TLL2: variants seen among roughly 807,000 people sequenced by gnomAD.
TLL2 encodes tolloid-like protein 2.
TLL2 carries 106 observed loss-of-function variants against 123.0 expected under a neutral mutation model. The observed-to-expected ratio is 0.86, with a 90% CI of 0.74 to 1.01. TLL2 has a LOEUF of 1.01. Ranked by LOEUF, TLL2 falls within the 50% of genes least tolerant of loss-of-function variation. The probability of loss-of-function intolerance (pLI) is 0.00; values close to 1 mark genes in which losing one functional copy is unlikely to be tolerated. For synonymous variants in TLL2, 494 were observed against 516.8 expected (o/e 0.96, Z 0.60); for missense variants, 1,332 against 1,336.7 (o/e 1.00, Z 0.06).
chr10:96,499,890 T>C (rs1367336325), intron 1 of TLL2, among the ~76,000 whole-genome samples: 1 of 152,018 alleles, frequency 6.6e-6, no homozygotes, highest in Non-Finnish European at 1.5e-5. Context: ...ACAATACAAG[T>C]GCAAGTTGAA....
intron 7 of TLL2, 134 bp from the exon 8 acceptor site, chr10:96,413,450 G>T: frequency 8.7e-7 from 1 of 1,145,310 alleles, no homozygotes; most frequent in Non-Finnish European, 1.2e-6. Flanking sequence ...TCCCAGGCTG[G>T]CATGACTGAA....
In TLL2 at chr10:96,405,270, T is replaced by G; in HGVS notation, c.1229A>C (p.Glu410Ala). ...TTTTCTCCAGTAACCATCCCGGACC[T>G]CCACGTAATCATACCAGCACAGTCG... ...KSRLCWYDYV[E>A]VRDGYWRKAP... The change falls in exon 10 of 21, where the codon GAG becomes GCG. Residue 410 changes from glutamate (E) to alanine (A), a missense_variant. Physicochemically the swap from Glu to Ala is moderately radical, Grantham distance 107 (BLOSUM62 -1). Coordinates refer to ENST00000357947, the MANE Select transcript of TLL2 (RefSeq NM_012465.4). 1 of 1,614,124 alleles carries G rather than the reference T, an allele frequency of 6.2e-7. No homozygotes were observed.
intron 1 of TLL2, among the ~76,000 whole-genome samples, chr10:96,482,166 G>C (rs769996175): frequency 2.4e-4 from 37 of 151,918 alleles, no homozygotes; most frequent in Admixed American, 1.4e-3. Context: ...GCTGAGGCAG[G>C]AGAATGGCGT....
At chr10:96,412,480 T>A (rs1366987529) in intron 8 of TLL2, among the ~76,000 whole-genome samples, 1 of 152,184 alleles carries the variant, frequency 6.6e-6, no homozygotes, top group African/African-American at 2.4e-5. Flanking sequence ...GAAAGGGGTC[T>A]AGAAGAGCTC....
chr10:96,364,762 T>C lies in TLL2; in HGVS notation c.*3326A>G, dbSNP rs1456367931. ...GTTTACATATAATACTTTAAACAAT[T>C]TTCCTTTTTAAAAATAAAATTTTAG... On this transcript the variant is annotated 3_prime_UTR_variant, in exon 21 of 21. Coordinates refer to ENST00000357947, the MANE Select transcript of TLL2 (RefSeq NM_012465.4). 6.5e-6 allele frequency: 1 copy of C among 152,674 alleles called. No individual in the cohort carries two copies. The allele number at this position is 152,674 out of a possible 1,614,324, so 9.5% of individuals were successfully genotyped here.
rs182610451 is a variant in TLL2, at chr10:96,449,861, G to T, written c.287-3693C>A. ...TGGCCAAACCCTACTGGTCCTTCAA[G>T]TCTCCATGTAGACACCACTTCCTCT... On this transcript the variant is annotated intron_variant, in intron 2 of 20. Coordinates refer to ENST00000357947, the MANE Select transcript of TLL2 (RefSeq NM_012465.4). Among the ~76,000 whole-genome samples, 4 of 152,096 alleles carry T rather than the reference G, an allele frequency of 2.6e-5. No individual in the cohort carries two copies. The East Asian group carries it at 7.7e-4, about 29-fold the overall frequency.
At chr10:96,508,400 A>G (rs1847596807) in intron 1 of TLL2, among the ~76,000 whole-genome samples, 1 of 152,146 alleles carries the variant, frequency 6.6e-6, no homozygotes, top group Non-Finnish European at 1.5e-5. Context: ...AGTGAGGTGA[A>G]ACACCAAATT....
At chr10:96,447,149 C>T (rs923538421) in intron 2 of TLL2, among the ~76,000 whole-genome samples, 1 of 151,948 alleles carries the variant, frequency 6.6e-6, no homozygotes, top group Non-Finnish European at 1.5e-5. Context: ...GCCAGAGGAT[C>T]CTCCGCAGGG....
At chr10:96,440,392 T>TGTGTTGGAAACCTCTCC (rs1491221392) in intron 3 of TLL2, among the ~76,000 whole-genome samples, 4 of 152,218 alleles carry the variant, frequency 2.6e-5, no homozygotes, top group Non-Finnish European at 5.9e-5. Flanking sequence ...CAAACAACTC[T>TGTGTTGGAAACCTCTCC]GTGTTGGAAA....
At chr10:96,495,131 C>T (rs1847458015) in intron 1 of TLL2, among the ~76,000 whole-genome samples, 2 of 152,106 alleles carry the variant, frequency 1.3e-5, no homozygotes, top group African/African-American at 4.8e-5. Context: ...AGGAAGACTT[C>T]ATAGATGTTC....
Position 96,410,584 on chromosome 10 carries a change from C to T in TLL2, c.1049-110G>A, listed in dbSNP as rs371561124. The T allele has an allele frequency of 5.2e-5, 43 of 825,268 alleles. No individual in the cohort carries two copies. In the East Asian group the frequency reaches 6.8e-4, roughly 13 times the overall value. 51.1% of individuals were successfully genotyped at this position (825,268 alleles called of 1,614,324 possible). A position where few individuals can be genotyped will look rare whatever the true frequency, so the allele number is the denominator to read the frequency against. On this transcript the variant is annotated intron_variant, in intron 8 of 20. Coordinates refer to ENST00000357947, the MANE Select transcript of TLL2 (RefSeq NM_012465.4). ...ATACCCCTTTGCCAGCCAAAGCCCT[C>T]GGAACAGGTTGGTGAGAAGTGTAGC...
At chr10:96,415,608 T>A (rs1174227592) in intron 7 of TLL2, among the ~76,000 whole-genome samples, 1 of 150,892 alleles carries the variant, frequency 6.6e-6, no homozygotes, top group Non-Finnish European at 1.5e-5. Flanking sequence ...TTGAATTAAA[T>A]ATGCAATCAG....
chr10:96,438,836 T>A (rs533086467), intron 3 of TLL2, among the ~76,000 whole-genome samples: 1 of 152,286 alleles, frequency 6.6e-6, no homozygotes, highest in Admixed American at 6.5e-5. Context: ...TCCTCTCTAT[T>A]CCTAATTTGT....
intron 2 of TLL2, among the ~76,000 whole-genome samples, chr10:96,450,179 A>C (rs1241821557): frequency 2.0e-5 from 3 of 151,900 alleles, no homozygotes; most frequent in Admixed American, 6.6e-5. Context: ...GGATGGATGG[A>C]TGGATGGATG....
At chr10:96,389,533 G>A (rs1293091596) in intron 13 of TLL2, among the ~76,000 whole-genome samples, 9 of 152,180 alleles carry the variant, frequency 5.9e-5, no homozygotes, top group South Asian at 2.1e-4. Flanking sequence ...GAAGATGGAC[G>A]GGCAGGAGGG....
rs199686133 is a variant in TLL2 at position 96,400,374 on chromosome 10, A to C, written c.1268-3072T>G. Among the ~76,000 whole-genome samples the C allele has an allele frequency of 2.4e-3, 372 of 152,124 alleles. 10 individuals are homozygous for C. In the East Asian group the frequency reaches 0.044, roughly 18 times the overall value. On this transcript the variant is annotated intron_variant, in intron 10 of 20. Transcript: ENST00000357947. The stretch of plus-strand genomic sequence containing the variant: ...ACTACCATCAAAAAAAAAAAAAAAA[A>C]AAAAAACAAAACCTTCACTGACTGA...
rs1246444811 is a variant in TLL2, at chr10:96,504,900, C to T, written c.175+8611G>A. ...GCGGGCGCCTGTAGCGCCAGCTACTCGGGAGGCTGAGGCAGGAGAATGGCG... is the reference window on the plus strand; with the variant it reads ...GCGGGCGCCTGTAGCGCCAGCTACTTGGGAGGCTGAGGCAGGAGAATGGCG... On this transcript the variant is annotated intron_variant, in intron 1 of 20. Transcript: ENST00000357947. 4.6e-5 allele frequency among the ~76,000 whole-genome samples: 7 copies of T among 152,180 alleles called. No individual in the cohort carries two copies. In the East Asian group the frequency reaches 9.7e-4, roughly 21 times the overall value.
intron 3 of TLL2, among the ~76,000 whole-genome samples, chr10:96,444,068 C>T (rs1195452923): frequency 6.6e-6 from 1 of 152,150 alleles, no homozygotes; most frequent in African/African-American, 2.4e-5. Context: ...TTCAACGGCA[C>T]CAGCAGTCAG....
Position 96,397,228 on chromosome 10 carries a change from TGCTGCGGAACTCCACCCAGAGCCG to T in TLL2, c.1318_1341del (p.Arg440_Ser447del). On this transcript the variant is annotated inframe_deletion, in exon 11 of 21. Transcript: ENST00000357947. ...AAGCCCTTGCCCAAGATGTTGCTGC[TGCTGCGGAACTCCACCCAGAGCCG>T]GCTGTCCGTGGAGACGAGGGGCTCC... 1 of 1,614,010 alleles carries T rather than the reference TGCTGCGGAACTCCACCCAGAGCCG, an allele frequency of 6.2e-7. No individual in the cohort carries two copies.
Sources: gnomAD v4.1 joint callset for allele counts (sites outside exome capture counted in the v4.1 genomes callset) on GRCh38, gnomAD v4.1.1 for gene constraint, MANE v1.5 for transcripts, NCBI Gene and HGNC (gene_info 2026-07-23, HGNC 2026-07-21) for gene names.